Variants in SRPRB observed in about 807,000 individuals in gnomAD.
The protein encoded by SRPRB is signal recognition particle receptor subunit beta.
In SRPRB, 20 loss-of-function variants were observed where a neutral mutation model predicts 31.9. That is an observed-to-expected ratio of 0.63 (90% CI 0.44 to 0.91). The LOEUF (loss-of-function observed/expected upper bound fraction) is 0.91, where lower values mean the gene tolerates loss of function less well. SRPRB is among the 40% of genes least tolerant of loss of function. SRPRB has a pLI of 0.00. For synonymous variants in SRPRB, 146 were observed against 132.8 expected (o/e 1.10, Z -0.68); for missense variants, 321 against 324.9 (o/e 0.99, Z 0.09).
downstream of SRPRB, chr3:133,825,460 CAAG>C (rs1051195003): frequency 1.3e-5 from 2 of 152,178 alleles, no homozygotes; most frequent in African/African-American, 4.8e-5. Context: ...TTAAGGATGA[CAAG>C]AAGAGAGCAG....
At chr3:133,784,737 C>G (rs1167624783) in intron 1 of SRPRB, 1 of 152,154 alleles carries the variant, frequency 6.6e-6, no homozygotes, top group African/African-American at 2.4e-5. Flanking sequence ...GAAAAATTGC[C>G]TTCCGTGAAA....
intron 1 of SRPRB, among the ~76,000 whole-genome samples, chr3:133,799,782 T>C (rs1275746183): frequency 1.3e-5 from 2 of 152,226 alleles, no homozygotes. Context: ...AGACCCCTTC[T>C]GTGTTTAACA....
intron 1 of SRPRB, chr3:133,788,532 C>T (rs1934745782): frequency 6.6e-6 from 1 of 152,246 alleles, no homozygotes; most frequent in Non-Finnish European, 1.5e-5. Context: ...ATGCCCAGAA[C>T]CTGGACACCC....
intron 4 of SRPRB, 71 bp from the exon 5 acceptor site, chr3:133,815,519 G>A: frequency 6.3e-7 from 1 of 1,586,794 alleles, no homozygotes; most frequent in South Asian, 1.1e-5. Flanking sequence ...AAGAAGTTCA[G>A]GATAGTTTTT....
In SRPRB at chr3:133,806,770, C is replaced by T. The variant is rs112476595; in HGVS notation, c.249+67C>T. 3.0e-3 allele frequency: 3,538 copies of T among 1,192,690 alleles called. 77 individuals are homozygous for T. In the African/African-American group the frequency reaches 0.046, roughly 15 times the overall value. The allele number at this position is 1,192,690 out of a possible 1,614,324, so 73.9% of individuals were successfully genotyped here. ...ATTTTATAGATCCCAGTATTCCTGT[C>T]ATCTCACGGTTTATTTTGTAAAAGA... On this transcript the variant is annotated intron_variant, in intron 2 of 6. Coordinates refer to ENST00000678299, the MANE Select transcript of SRPRB (RefSeq NM_001379313.1).
At chr3:133,813,859 G>T (rs905328745) in intron 4 of SRPRB, among the ~76,000 whole-genome samples, 3 of 152,232 alleles carry the variant, frequency 2.0e-5, no homozygotes, top group Non-Finnish European at 4.4e-5. Flanking sequence ...GGGCCATAGG[G>T]CTTCAATAAG....
At chr3:133,802,041 A>T (rs1044787344), upstream of SRPRB, among the ~76,000 whole-genome samples, 1 of 152,168 alleles carries the variant, frequency 6.6e-6, no homozygotes, top group African/African-American at 2.4e-5. Flanking sequence ...ATCCTTGGGG[A>T]GGTTACTCAA....
chr3:133,806,146 C>A, intron 1 of SRPRB, 144 bp downstream of exon 1: 1 of 1,126,580 alleles, frequency 8.9e-7, no homozygotes, highest in Non-Finnish European at 1.2e-6. Flanking sequence ...TACACCCCAC[C>A]CTCTCTCCTG....
At position 133,817,833 on chromosome 3, in the gene SRPRB, T is replaced by G. The variant is rs1483751906; in HGVS notation, c.602+901T>G. The stretch of plus-strand genomic sequence containing the variant: ...TTGGGAGCAGCTGTAGGAGGAAATG[T>G]GTTCCTGTACTCAGGAGCTTAGAGT... On this transcript the variant is annotated intron_variant, in intron 6 of 6. Coordinates refer to ENST00000678299, the MANE Select transcript of SRPRB (RefSeq NM_001379313.1). Among the ~76,000 whole-genome samples the G allele has an allele frequency of 2.0e-5, 3 of 152,240 alleles. 1 individual carries two copies. Among genetic ancestry groups the G allele is most frequent in the Admixed American group, 2.0e-4 (3 of 15,282 alleles).
At chr3:133,818,260 A>G (rs1169083318) in intron 6 of SRPRB, among the ~76,000 whole-genome samples, 3 of 152,206 alleles carry the variant, frequency 2.0e-5, no homozygotes, top group Non-Finnish European at 4.4e-5. Flanking sequence ...GTTATTTTTA[A>G]CAGTACAGTC....
Position 133,819,956 on chromosome 3 carries a change from A to G in SRPRB, c.*190A>G, listed in dbSNP as rs936927993. ...TTTTTTTTAAGTTCAGTTCTCCCTT[A>G]TGGCTGCCTTTCAAACAAGTACCTT... On this transcript the variant is annotated 3_prime_UTR_variant, in exon 7 of 7. Transcript: ENST00000678299. 1.8e-6 allele frequency: 1 copy of G among 560,876 alleles called. No individual in the cohort carries two copies. The highest frequency in any genetic ancestry group is 2.1e-5 in the African/African-American group (1 of 48,022). The allele number at this position is 560,876 out of a possible 1,614,324, so 34.7% of individuals were successfully genotyped here.
Position 133,820,354 on chromosome 3 carries a change from C to T in SRPRB, c.*588C>T, listed in dbSNP as rs982806690. 2.6e-5 allele frequency: 4 copies of T among 154,644 alleles called. No individual in the cohort carries two copies. The South Asian group carries it at 7.9e-4, about 31-fold the overall frequency. 9.6% of individuals were successfully genotyped at this position (154,644 alleles called of 1,614,324 possible). On this transcript the variant is annotated 3_prime_UTR_variant, in exon 7 of 7. Coordinates refer to ENST00000678299, the MANE Select transcript of SRPRB (RefSeq NM_001379313.1). ...ATTAGCTCAGTGACTTGTCCACACT[C>T]GTCTTAGCACTTACGTTTCAAAAGC...
rs6800513 is a variant in SRPRB, at chr3:133,806,334, C to T, written c.155-275C>T. Among the ~76,000 whole-genome samples the T allele has an allele frequency of 5.5e-3, 833 of 152,330 alleles. 6 individuals are homozygous for T. Among genetic ancestry groups the T allele is most frequent in the African/African-American group, 0.018 (756 of 41,578 alleles). Reference sequence around the variant, plus strand: ...CAGGGTCTTGACACCAACTTTCAGCCTCCCGTGTTTGCGTGCGGGCGCTGG... The same window carrying T: ...CAGGGTCTTGACACCAACTTTCAGCTTCCCGTGTTTGCGTGCGGGCGCTGG... On this transcript the variant is annotated intron_variant, in intron 1 of 6. Transcript: ENST00000678299.
At chr3:133,790,879 A>G (rs1350555132) in intron 1 of SRPRB, 2 of 152,168 alleles carry the variant, frequency 1.3e-5, no homozygotes, top group Non-Finnish European at 2.9e-5. Flanking sequence ...CAGGAACAAA[A>G]TATTCATTAT....
chr3:133,816,735 G>GA, intron 5 of SRPRB, 143 bp from the exon 6 acceptor site: 1 of 559,482 alleles, frequency 1.8e-6, no homozygotes, highest in Non-Finnish European at 3.1e-6. Context: ...CTTTGATAGA[G>GA]AAGGAACTAG....
intron 3 of SRPRB, 89 bp from the exon 4 acceptor site, chr3:133,811,028 C>G: frequency 8.2e-7 from 1 of 1,214,512 alleles, no homozygotes; most frequent in Non-Finnish European, 1.2e-6. Context: ...AATTAGGTAC[C>G]AGTTTGGTAG....
At chr3:133,826,716 T>A (rs1035322398), downstream of SRPRB, 1 of 152,660 alleles carries the variant, frequency 6.6e-6, no homozygotes, top group African/African-American at 2.4e-5. Flanking sequence ...GCCTGTAGTT[T>A]AACACAACTA....
downstream of SRPRB, chr3:133,826,110 G>A (rs1935558103): frequency 6.6e-6 from 1 of 152,254 alleles, no homozygotes. Flanking sequence ...CCCCAGGAAG[G>A]GAGGGGCGGA....
intron 3 of SRPRB, among the ~76,000 whole-genome samples, chr3:133,808,645 C>G (rs1935204430): frequency 6.6e-6 from 1 of 151,972 alleles, no homozygotes; most frequent in South Asian, 2.1e-4. Context: ...AATCCCAGCA[C>G]TTTGGGAGAC....
Sources: gnomAD v4.1 joint callset for allele counts (sites outside exome capture counted in the v4.1 genomes callset) on GRCh38, gnomAD v4.1.1 for gene constraint, MANE v1.5 for transcripts, NCBI Gene and HGNC (gene_info 2026-07-23, HGNC 2026-07-21) for gene names.